ZC3H12B: variants seen among roughly 807,000 people sequenced by gnomAD.
The protein encoded by ZC3H12B is probable ribonuclease ZC3H12B.
A neutral mutation model predicts 43.9 loss-of-function variants in ZC3H12B; 7 were observed. The observed-to-expected ratio is 0.16, with a 90% confidence interval of 0.09 to 0.30. The LOEUF is 0.30. ZC3H12B is among the 10% of genes least tolerant of loss of function. The probability of loss-of-function intolerance (pLI) is 1.00; values close to 1 mark genes in which losing one functional copy is unlikely to be tolerated. For missense variants in ZC3H12B, 475 were observed against 670.2 expected, an observed-to-expected ratio of 0.71 and a Z score of 3.22; for synonymous variants, 222 against 241.7, an observed-to-expected ratio of 0.92 and a Z score of 0.76.
the ZC3H12B span, among the ~76,000 whole-genome samples, chrX:65,315,077 G>A: frequency 9.0e-6 from 1 of 110,999 alleles, no homozygotes; most frequent in Non-Finnish European, 1.9e-5. Context: ...ACAGGGAATA[G>A]AGGAACAAAT....
the ZC3H12B span, among the ~76,000 whole-genome samples, chrX:65,204,418 C>T: frequency 9.0e-6 from 1 of 111,490 alleles, no homozygotes; most frequent in Admixed American, 9.6e-5. Context: ...ATTTTTTGCT[C>T]CTTCCAAAAT....
At chrX:65,273,773 A>T in the ZC3H12B span, among the ~76,000 whole-genome samples, 1 of 112,197 alleles carries the variant, frequency 8.9e-6, no homozygotes, top group African/African-American at 3.2e-5. Context: ...ATTGCAAAAC[A>T]TAAGGGAGTG....
chrX:65,166,261 G>A, the ZC3H12B span, among the ~76,000 whole-genome samples: 23 of 110,751 alleles, frequency 2.1e-4, no homozygotes, highest in African/African-American at 7.6e-4. Context: ...GTACTCATTG[G>A]TTAATTCCAA....
chrX:65,393,970 A>G (rs1397083957), intron 2 of ZC3H12B, among the ~76,000 whole-genome samples: 2 of 112,096 alleles, frequency 1.8e-5, no homozygotes, highest in Non-Finnish European at 3.8e-5. Context: ...GCTTTTTTTC[A>G]TATGCTTGTT....
intron 3 of ZC3H12B, among the ~76,000 whole-genome samples, chrX:65,459,401 C>A (rs1569416853): frequency 2.7e-5 from 3 of 111,199 alleles, no homozygotes; most frequent in Admixed American, 9.5e-5. Flanking sequence ...AGAGACACAA[C>A]AAAAAAACGG....
the ZC3H12B span, among the ~76,000 whole-genome samples, chrX:65,230,159 G>C: frequency 6.3e-5 from 7 of 111,557 alleles, no homozygotes; most frequent in African/African-American, 2.3e-4. Context: ...TGATAGACTG[G>C]ATTAAGAAAA....
At chrX:65,063,943 A>T in the ZC3H12B span, among the ~76,000 whole-genome samples, 1 of 112,071 alleles carries the variant, frequency 8.9e-6, no homozygotes, top group African/African-American at 3.2e-5. Context: ...GTTTATTTGC[A>T]TAGAGGTGTT....
At chrX:65,153,908 T>C in the ZC3H12B span, among the ~76,000 whole-genome samples, 1 of 110,938 alleles carries the variant, frequency 9.0e-6, no homozygotes, top group Admixed American at 9.6e-5. Context: ...CCATAAAAAA[T>C]GATGAGTTCA....
the ZC3H12B span, among the ~76,000 whole-genome samples, chrX:65,234,186 A>G: frequency 1.8e-5 from 2 of 112,228 alleles, no homozygotes; most frequent in Admixed American, 1.9e-4. Context: ...CATTTCAGGG[A>G]TTCAAAGATG....
the ZC3H12B span, among the ~76,000 whole-genome samples, chrX:65,187,701 A>G: frequency 9.3e-6 from 1 of 107,317 alleles, no homozygotes; most frequent in Non-Finnish European, 1.9e-5. Flanking sequence ...AGGTATACAT[A>G]TATGGAGCAC....
chrX:65,257,700 A>G, the ZC3H12B span, among the ~76,000 whole-genome samples: 3 of 110,964 alleles, frequency 2.7e-5, no homozygotes, highest in Admixed American at 2.9e-4. Flanking sequence ...AGGGGATGTT[A>G]CCCCACAGAA....
chrX:65,148,455 C>A, the ZC3H12B span, among the ~76,000 whole-genome samples: 1 of 111,537 alleles, frequency 9.0e-6, no homozygotes, highest in South Asian at 3.8e-4. Context: ...CATGCCTAGA[C>A]CCTGAGTCTT....
the ZC3H12B span, among the ~76,000 whole-genome samples, chrX:65,248,287 C>T: frequency 9.0e-6 from 1 of 111,328 alleles, no homozygotes; most frequent in African/African-American, 3.3e-5. Flanking sequence ...ACCTTAGCCT[C>T]CCAAAGTGCT....
the ZC3H12B span, among the ~76,000 whole-genome samples, chrX:65,313,241 A>AT: frequency 1.8e-5 from 2 of 111,300 alleles, no homozygotes; most frequent in African/African-American, 6.5e-5. Context: ...CCATATAATT[A>AT]TTTTTCTGTA....
At chrX:65,104,044 C>T in the ZC3H12B span, among the ~76,000 whole-genome samples, 2 of 111,227 alleles carry the variant, frequency 1.8e-5, no homozygotes, top group Admixed American at 1.9e-4. Context: ...GTAACCAAAA[C>T]AGCATGATAC....
At chrX:65,156,684 T>G in the ZC3H12B span, among the ~76,000 whole-genome samples, 12 of 110,359 alleles carry the variant, frequency 1.1e-4, no homozygotes, top group Non-Finnish European at 2.3e-4. Flanking sequence ...CAAGGCCAAT[T>G]TTTAAACTTT....
the ZC3H12B span, among the ~76,000 whole-genome samples, chrX:65,215,592 A>T: frequency 9.0e-6 from 1 of 111,151 alleles, no homozygotes; most frequent in Non-Finnish European, 1.9e-5. Flanking sequence ...TGCTCGTTTG[A>T]TCTTCAATCC....
chrX:65,479,560 G>A (rs973331618), intron 3 of ZC3H12B, among the ~76,000 whole-genome samples: 2 of 110,711 alleles, frequency 1.8e-5, no homozygotes, highest in Non-Finnish European at 3.8e-5. Context: ...TAGAGAACGG[G>A]TTTCACTGCA....
chrX:65,298,895 CCAAGCAAA>C, the ZC3H12B span, among the ~76,000 whole-genome samples: 7 of 111,422 alleles, frequency 6.3e-5, no homozygotes, highest in Non-Finnish European at 1.3e-4. Context: ...AAGAGATGTG[CCAAGCAAA>C]GGGGGAATAG....
Sources: gnomAD v4.1 joint callset for allele counts (sites outside exome capture counted in the v4.1 genomes callset) on GRCh38, gnomAD v4.1.1 for gene constraint, MANE v1.5 for transcripts, NCBI Gene and HGNC (gene_info 2026-07-23, HGNC 2026-07-21) for gene names.